The following GRIN2A variants were observed in gnomAD, a reference collection of about 807,000 sequenced individuals.
The protein encoded by GRIN2A is glutamate ionotropic receptor NMDA type subunit 2A, also known as glutamate receptor ionotropic, NMDA 2A.
GRIN2A carries 22 observed loss-of-function variants against 113.4 expected under a neutral mutation model. That is an observed-to-expected ratio of 0.19 (90% CI 0.14 to 0.28). The LOEUF (loss-of-function observed/expected upper bound fraction) is 0.28, where lower values mean the gene tolerates loss of function less well. Among genes scored for constraint, GRIN2A ranks in the 10% least tolerant of loss-of-function variants. GRIN2A has a pLI of 1.00. For missense variants in GRIN2A, 1,502 were observed against 1,887.0 expected (o/e 0.80, Z 3.78); for synonymous variants, 827 against 738.4 (o/e 1.12, Z -1.94).
At chr16:10,153,426 C>A (rs1446688785) in intron 2 of GRIN2A, among the ~76,000 whole-genome samples, 1 of 152,110 alleles carries the variant, frequency 6.6e-6, no homozygotes, top group Non-Finnish European at 1.5e-5. Context: ...TGGAGTTTAG[C>A]AGGGAATCTG....
chr16:10,180,195 G>A lies in GRIN2A; in HGVS notation c.217C>T (p.Leu73=), dbSNP rs775422876. The part of the protein sequence containing the change: ...LPLDVNVVAL[L]MNRTDPKSLI... The stretch of plus-strand genomic sequence containing the variant: ...CTCTTGGGGTCGGTGCGGTTCATCA[G>A]CAGAGCTACCACGTTCACGTCCAGG... Residue 73 remains leucine, a synonymous_variant, in exon 2 of 13, where the codon CTG becomes TTG. Transcript: ENST00000330684. This position sits in a 1 kb window ranked among gnomAD's most constrained non-coding sequence, Gnocchi z 7.0. 2.1e-5 allele frequency: 34 copies of A among 1,614,058 alleles called. No homozygotes were observed. The highest frequency in any genetic ancestry group is 2.7e-5 in the Non-Finnish European group (32 of 1,180,052).
intron 3 of GRIN2A, among the ~76,000 whole-genome samples, chr16:9,911,506 G>A (rs1476252568): frequency 2.6e-5 from 4 of 152,104 alleles, no homozygotes; most frequent in African/African-American, 9.7e-5. Flanking sequence ...AGTAAAATGG[G>A]CATAATCATA....
At chr16:10,077,766 C>T (rs748404595) in intron 2 of GRIN2A, among the ~76,000 whole-genome samples, 1 of 152,212 alleles carries the variant, frequency 6.6e-6, no homozygotes, top group Non-Finnish European at 1.5e-5. Flanking sequence ...AGGGCCTTTG[C>T]ATATGCTATT....
rs79228662 is a variant in GRIN2A at position 9,767,670 on chromosome 16, C to T, written c.2595+1181G>A. Among the ~76,000 whole-genome samples, 172 of 151,964 alleles carry T rather than the reference C, an allele frequency of 1.1e-3. 2 individuals carry two copies. The East Asian group carries it at 0.03, about 26-fold the overall frequency. ...AGATGAGTGGATAAATAGATGGATG[C>T]ATAGATGGCTGAAACGAATGAATGG... On this transcript the variant is annotated intron_variant, in intron 12 of 12. Coordinates refer to ENST00000330684, the MANE Select transcript of GRIN2A (RefSeq NM_001134407.3).
At chr16:10,110,648 A>C (rs1186468698) in intron 2 of GRIN2A, among the ~76,000 whole-genome samples, 1 of 152,232 alleles carries the variant, frequency 6.6e-6, no homozygotes. Flanking sequence ...TGCAAGTATG[A>C]GATAAGGAGA....
chr16:9,989,808 G>T (rs977478602), intron 2 of GRIN2A, among the ~76,000 whole-genome samples: 1 of 152,086 alleles, frequency 6.6e-6, no homozygotes, highest in African/African-American at 2.4e-5. Flanking sequence ...AATCATAAGA[G>T]AAAAGCAAAT....
intron 8 of GRIN2A, among the ~76,000 whole-genome samples, chr16:9,832,827 GTT>G (rs1413741141): frequency 6.6e-6 from 1 of 152,148 alleles, no homozygotes; most frequent in Non-Finnish European, 1.5e-5. Context: ...TTATGGCATT[GTT>G]TAGTATCTGG....
intron 2 of GRIN2A, among the ~76,000 whole-genome samples, chr16:10,040,842 A>G (rs1423750748): frequency 6.6e-6 from 1 of 152,198 alleles, no homozygotes; most frequent in Non-Finnish European, 1.5e-5. Flanking sequence ...GCTGTGGGGG[A>G]GGCTGGCAGG....
At chr16:10,139,878 A>G (rs2049287941) in intron 2 of GRIN2A, among the ~76,000 whole-genome samples, 1 of 152,098 alleles carries the variant, frequency 6.6e-6, no homozygotes, top group Non-Finnish European at 1.5e-5. Flanking sequence ...CCCAGGCTGG[A>G]GCACAGTGGC....
intron 5 of GRIN2A, among the ~76,000 whole-genome samples, chr16:9,848,001 A>G (rs1373251737): frequency 6.8e-6 from 1 of 146,464 alleles, no homozygotes; most frequent in African/African-American, 2.5e-5. Context: ...ATATATAAAA[A>G]TATATTGGTT....
chr16:10,077,077 G>A (rs2047886974), intron 2 of GRIN2A, among the ~76,000 whole-genome samples: 1 of 152,182 alleles, frequency 6.6e-6, no homozygotes, highest in Non-Finnish European at 1.5e-5. Context: ...GGAATGCAAT[G>A]TTGCTGGCAC....
intron 2 of GRIN2A, among the ~76,000 whole-genome samples, chr16:10,066,941 C>T (rs561132639): frequency 8.5e-5 from 13 of 152,094 alleles, no homozygotes; most frequent in Non-Finnish European, 4.4e-5. Context: ...TAAATATTAG[C>T]CAGCGTTCAA....
intron 2 of GRIN2A, among the ~76,000 whole-genome samples, chr16:10,110,905 A>G (rs1005776000): frequency 1.3e-5 from 2 of 152,214 alleles, no homozygotes; most frequent in Non-Finnish European, 2.9e-5. Context: ...ACTTCAGACG[A>G]GTAAGAAGTA....
chr16:10,055,046 T>TAAAAAAAAAAAAA (rs1567266287), intron 2 of GRIN2A, among the ~76,000 whole-genome samples: 12 of 12,486 alleles, frequency 9.6e-4, no homozygotes, highest in Admixed American at 1.7e-3. Flanking sequence ...AGACTCTATC[T>TAAAAAAAAAAAAA]CAAAAAAAAA....
chr16:10,067,812 G>C (rs2047677779), intron 2 of GRIN2A, among the ~76,000 whole-genome samples: 1 of 152,126 alleles, frequency 6.6e-6, no homozygotes, highest in African/African-American at 2.4e-5. Context: ...GGTGCTACTA[G>C]CATGGCATGG....
chr16:9,834,574 G>C (rs192908759), intron 7 of GRIN2A, among the ~76,000 whole-genome samples: 9 of 152,190 alleles, frequency 5.9e-5, no homozygotes, highest in Admixed American at 4.6e-4. Flanking sequence ...TTGAGACGGG[G>C]TTTCGCCATG....
rs1555469303 is a variant in GRIN2A, at chr16:10,039,813, A to AGAGAGAGAGAG, written c.415-101263_415-101262insCTCTCTCTCTC. Reference sequence around the variant, plus strand: ...GAGGGGGAGGGGGAGGGGGGGGAGAAAGAGAGAGAGAGAGAGAGAGAGGAG... The same window carrying AGAGAGAGAGAG: ...GAGGGGGAGGGGGAGGGGGGGGAGAAGAGAGAGAGAGAGAGAGAGAGAGAGAGAGAGAGGAG... On this transcript the variant is annotated intron_variant, in intron 2 of 12. Transcript: ENST00000330684. Among the ~76,000 whole-genome samples the AGAGAGAGAGAG allele has an allele frequency of 8.4e-4, 62 of 73,568 alleles. 3 individuals carry two copies. The highest frequency in any genetic ancestry group is 2.7e-3 in the African/African-American group (41 of 15,008). 48.3% of individuals were successfully genotyped at this position (73,568 alleles called of 152,430 possible).
chr16:9,775,255 G>A (rs538228400), intron 11 of GRIN2A, among the ~76,000 whole-genome samples: 1 of 152,222 alleles, frequency 6.6e-6, no homozygotes, highest in South Asian at 2.1e-4. Context: ...AGGCAGTGAT[G>A]AAAGATGAAA....
intron 10 of GRIN2A, among the ~76,000 whole-genome samples, chr16:9,800,031 A>G (rs902825576): frequency 2.0e-5 from 3 of 151,748 alleles, no homozygotes; most frequent in East Asian, 1.9e-4. Context: ...CTGGAGTGCA[A>G]TGGTGCGATC....
Sources: gnomAD v4.1 joint callset for allele counts (sites outside exome capture counted in the v4.1 genomes callset) on GRCh38, gnomAD v4.1.1 for gene constraint, Gnocchi (gnomAD v3.1) non-coding constraint, MANE v1.5 for transcripts, NCBI Gene and HGNC (gene_info 2026-07-23, HGNC 2026-07-21) for gene names.